Variants in NXPE2 observed in about 807,000 individuals in gnomAD.
The protein encoded by NXPE2 is NXPE family member 2.
NXPE2 carries 34 observed loss-of-function variants against 34.4 expected under a neutral mutation model. The ratio of observed to expected loss-of-function variants is 0.99; its 90% confidence interval spans 0.75 to 1.31. The LOEUF is 1.31. Among genes scored for constraint, NXPE2 ranks in the 40% most tolerant of loss-of-function variants. The probability of loss-of-function intolerance (pLI) is 0.00; values close to 1 mark genes in which losing one functional copy is unlikely to be tolerated. For synonymous variants in NXPE2, 235 were observed against 231.3 expected (o/e 1.02, Z -0.15); for missense variants, 649 against 672.5 (o/e 0.97, Z 0.39).
the NXPE2 span, among the ~76,000 whole-genome samples, chr11:114,751,653 A>G: frequency 6.6e-6 from 1 of 152,186 alleles, no homozygotes; most frequent in African/African-American, 2.4e-5. Context: ...TACAACAGTC[A>G]TTGTGGCAAG....
chr11:114,480,486 G>A, the NXPE2 span, among the ~76,000 whole-genome samples: 1 of 152,190 alleles, frequency 6.6e-6, no homozygotes, highest in South Asian at 2.1e-4. Flanking sequence ...TGCTGCATGT[G>A]AGAGCTTTTC....
chr11:114,737,283 C>A, the NXPE2 span, among the ~76,000 whole-genome samples: 1 of 152,072 alleles, frequency 6.6e-6, no homozygotes, highest in Admixed American at 6.5e-5. Context: ...TGCTAATACC[C>A]AAACCCATCT....
At chr11:114,519,006 G>T in the NXPE2 span, among the ~76,000 whole-genome samples, 3 of 152,160 alleles carry the variant, frequency 2.0e-5, no homozygotes, top group Admixed American at 2.0e-4. Context: ...ACAGGGACAA[G>T]ATTTCCAGAT....
the NXPE2 span, among the ~76,000 whole-genome samples, chr11:114,525,671 C>T: frequency 3.3e-5 from 5 of 152,344 alleles, no homozygotes; most frequent in African/African-American, 1.2e-4. Context: ...TGAGTTGCAA[C>T]ACCTGGCTTG....
At chr11:114,578,431 T>A in the NXPE2 span, among the ~76,000 whole-genome samples, 53 of 152,294 alleles carry the variant, frequency 3.5e-4, no homozygotes, top group Middle Eastern at 0.01. Context: ...TGTTACAGAA[T>A]GTGATGCTAA....
the NXPE2 span, among the ~76,000 whole-genome samples, chr11:114,668,322 C>A: frequency 6.6e-6 from 1 of 151,874 alleles, no homozygotes; most frequent in African/African-American, 2.4e-5. Flanking sequence ...TGCTAGTGAA[C>A]AGGCTAACAT....
At chr11:114,666,533 T>C in the NXPE2 span, among the ~76,000 whole-genome samples, 1 of 152,188 alleles carries the variant, frequency 6.6e-6, no homozygotes, top group Admixed American at 6.5e-5. Flanking sequence ...TCTCTTTTTT[T>C]CAGAAATGGT....
chr11:114,796,393 A>ATTAT, the NXPE2 span, among the ~76,000 whole-genome samples: 3 of 152,168 alleles, frequency 2.0e-5, no homozygotes, highest in East Asian at 5.8e-4. Context: ...TTTTATGTAT[A>ATTAT]TTATTATAGC....
chr11:114,731,975 G>A, the NXPE2 span, among the ~76,000 whole-genome samples: 1 of 152,164 alleles, frequency 6.6e-6, no homozygotes, highest in Non-Finnish European at 1.5e-5. Flanking sequence ...AACCAACTGT[G>A]TAACTCTCGT....
At chr11:114,558,863 G>T in the NXPE2 span, among the ~76,000 whole-genome samples, 1 of 152,160 alleles carries the variant, frequency 6.6e-6, no homozygotes. Flanking sequence ...GGTCCATAAA[G>T]AATCACATAC....
chr11:114,639,810 T>C, the NXPE2 span, among the ~76,000 whole-genome samples: 1 of 77,950 alleles, frequency 1.3e-5, no homozygotes, highest in Non-Finnish European at 2.4e-5. Flanking sequence ...AAATATAAAA[T>C]AATATAAAAT....
Position 114,705,919 on chromosome 11 carries a change from T to A in NXPE2, c.1067T>A (p.Leu356Ter). 1 of 1,541,616 alleles carries A rather than the reference T, an allele frequency of 6.5e-7. No individual in the cohort carries two copies. The highest frequency in any genetic ancestry group is 8.8e-7 in the Non-Finnish European group (1 of 1,142,798). Residue 356 changes from leucine to a stop codon, truncating the protein, a stop_gained, in exon 5 of 6, where the codon TTG (leucine) becomes TAG (stop). Transcript: ENST00000389586. LOFTEE classifies it high-confidence loss of function. ...GAAACAAAAAATATAAATGACTGCTTGGAAAGAAAACTTATTTATCTCATG... is the reference window on the plus strand; with the variant it reads ...GAAACAAAAAATATAAATGACTGCTAGGAAAGAAAACTTATTTATCTCATG... ...FNETKNINDCLERKLIYLMGD... is the reference protein window; with the variant it reads ...FNETKNINDC
At chr11:114,707,371 CA>C, downstream of NXPE2, 1 of 390,596 alleles carries the variant, frequency 2.6e-6, no homozygotes, top group South Asian at 1.9e-5. Context: ...GCTGGGATTA[CA>C]GGCATGAACC....
At chr11:114,720,165 T>A in the NXPE2 span, among the ~76,000 whole-genome samples, 1 of 152,194 alleles carries the variant, frequency 6.6e-6, no homozygotes, top group Non-Finnish European at 1.5e-5. Context: ...TAAGAACCCC[T>A]TCAGGAAAAT....
At chr11:114,733,119 C>A in the NXPE2 span, among the ~76,000 whole-genome samples, 1 of 151,946 alleles carries the variant, frequency 6.6e-6, no homozygotes, top group South Asian at 2.1e-4. Context: ...TTTGTTTTGA[C>A]GGAGTCTCGC....
chr11:114,790,526 T>G, the NXPE2 span, among the ~76,000 whole-genome samples: 2 of 152,184 alleles, frequency 1.3e-5, no homozygotes, highest in African/African-American at 4.8e-5. Context: ...CGAGGTTTTA[T>G]CAGCACAAAA....
chr11:114,534,354 C>T, the NXPE2 span, among the ~76,000 whole-genome samples: 8 of 152,118 alleles, frequency 5.3e-5, no homozygotes, highest in South Asian at 2.1e-4. Flanking sequence ...GCAGAAAAAC[C>T]GGAAACTCTA....
the NXPE2 span, chr11:114,583,944 G>A: frequency 2.6e-6 from 1 of 388,952 alleles, no homozygotes; most frequent in African/African-American, 2.1e-5. Flanking sequence ...CTCCTAGATG[G>A]GATTGATGAT....
the NXPE2 span, among the ~76,000 whole-genome samples, chr11:114,482,200 A>G: frequency 5.9e-5 from 9 of 152,186 alleles, no homozygotes; most frequent in Non-Finnish European, 1.3e-4. Context: ...TAAGTAGTTC[A>G]CAGCTTATTG....
Sources: gnomAD v4.1 joint callset for allele counts (sites outside exome capture counted in the v4.1 genomes callset) on GRCh38, gnomAD v4.1.1 for gene constraint, MANE v1.5 for transcripts, NCBI Gene and HGNC (gene_info 2026-07-23, HGNC 2026-07-21) for gene names.